The following PRELID2 variants were observed in gnomAD, a reference collection of about 807,000 sequenced individuals.
PRELID2 encodes PRELI domain-containing protein 2.
In PRELID2, 25 loss-of-function variants were observed where a neutral mutation model predicts 28.4. The observed-to-expected ratio is 0.88, with a 90% CI of 0.64 to 1.23. The LOEUF is 1.23. Among genes scored for constraint, PRELID2 ranks in the 50% most tolerant of loss-of-function variants. The pLI, the probability that PRELID2 is intolerant of heterozygous loss-of-function variation, is 0.00. For missense variants in PRELID2, 201 were observed against 214.4 expected, an observed-to-expected ratio of 0.94 and a Z score of 0.39; for synonymous variants, 76 against 71.6, an observed-to-expected ratio of 1.06 and a Z score of -0.31.
At position 145,607,961 on chromosome 5, in the gene PRELID2, G is replaced by T. The variant is rs147294185; in HGVS notation, n.71-134646C>A. On this transcript the variant is annotated intron_variant and non_coding_transcript_variant, in intron 1 of 2. Transcript: ENST00000510259. ...GTGCATATGTATTCAGAATAGTTAG[G>T]TCTTCTTGTTGAACTGAACACTTTA... Among the ~76,000 whole-genome samples the T allele has an allele frequency of 7.7e-4, 117 of 151,684 alleles. 1 individual carries two copies. The East Asian group carries it at 0.022, about 29-fold the overall frequency.
chr5:145,392,294 T>C, the PRELID2 span, among the ~76,000 whole-genome samples: 1 of 151,660 alleles, frequency 6.6e-6, no homozygotes, highest in Non-Finnish European at 1.5e-5. Context: ...AAACATGTCT[T>C]CTTCACAAGG....
At chr5:145,264,151 A>G in the PRELID2 span, among the ~76,000 whole-genome samples, 1 of 152,138 alleles carries the variant, frequency 6.6e-6, no homozygotes, top group Non-Finnish European at 1.5e-5. Flanking sequence ...TCATTTTATA[A>G]GCCAGTATCA....
At chr5:145,732,261 A>G (rs1756367733) in intron 1 of PRELID2, among the ~76,000 whole-genome samples, 1 of 152,200 alleles carries the variant, frequency 6.6e-6, no homozygotes, top group Admixed American at 6.5e-5. Flanking sequence ...CCTGTCTCCC[A>G]TCTACTTTAT....
At chr5:145,538,940 G>C (rs1030905239) in intron 1 of PRELID2, among the ~76,000 whole-genome samples, 23 of 151,902 alleles carry the variant, frequency 1.5e-4, no homozygotes, top group Non-Finnish European at 3.2e-4. Flanking sequence ...AAGCCTCACT[G>C]CATAACTCAG....
At chr5:145,387,515 A>T in the PRELID2 span, among the ~76,000 whole-genome samples, 1 of 152,170 alleles carries the variant, frequency 6.6e-6, no homozygotes, top group African/African-American at 2.4e-5. Flanking sequence ...TTTCCTTATA[A>T]AGAATTTATA....
chr5:145,646,238 T>C (rs112389485), intron 1 of PRELID2, among the ~76,000 whole-genome samples: 1 of 152,326 alleles, frequency 6.6e-6, no homozygotes, highest in African/African-American at 2.4e-5. Context: ...TTCCTTTTCA[T>C]TGTTTTTTCT....
chr5:145,362,170 G>T, the PRELID2 span, among the ~76,000 whole-genome samples: 2 of 152,096 alleles, frequency 1.3e-5, no homozygotes, highest in Admixed American at 1.3e-4. Flanking sequence ...AATGAAGAAA[G>T]GAAGGAAAGC....
At chr5:145,625,463 G>A (rs1241880805) in intron 1 of PRELID2, among the ~76,000 whole-genome samples, 6 of 152,126 alleles carry the variant, frequency 3.9e-5, no homozygotes, top group African/African-American at 9.7e-5. Flanking sequence ...ACAGGTCACA[G>A]TAGACCACAG....
At chr5:145,793,964 A>G (rs1171805585) in intron 5 of PRELID2, among the ~76,000 whole-genome samples, 1 of 152,162 alleles carries the variant, frequency 6.6e-6, no homozygotes, top group Non-Finnish European at 1.5e-5. Flanking sequence ...GCAGAGAATG[A>G]GCCATAACTG....
the PRELID2 span, among the ~76,000 whole-genome samples, chr5:145,318,121 C>T: frequency 4.6e-5 from 7 of 152,168 alleles, no homozygotes; most frequent in South Asian, 8.3e-4. Context: ...TTTAGAGTTC[C>T]AGTCAAGTCT....
intron 1 of PRELID2, among the ~76,000 whole-genome samples, chr5:145,829,084 G>A (rs1755415500): frequency 6.6e-6 from 1 of 151,778 alleles, no homozygotes. Flanking sequence ...GGTGGTGGTA[G>A]AGATGGGGTT....
chr5:145,688,988 T>C (rs1374765009), intron 1 of PRELID2, among the ~76,000 whole-genome samples: 1 of 152,214 alleles, frequency 6.6e-6, no homozygotes, highest in Non-Finnish European at 1.5e-5. Flanking sequence ...AGCAAGGTAT[T>C]GGACAATTGG....
chr5:145,511,015 T>C, intron 1 of PRELID2, among the ~76,000 whole-genome samples: 1 of 152,174 alleles, frequency 6.6e-6, no homozygotes, highest in South Asian at 2.1e-4. Context: ...AGGTATGTGG[T>C]GTAAGATGCA....
At chr5:145,447,441 T>C in the PRELID2 span, among the ~76,000 whole-genome samples, 1 of 149,636 alleles carries the variant, frequency 6.7e-6, no homozygotes, top group African/African-American at 2.4e-5. Flanking sequence ...AATCTTTTCT[T>C]TTTTTTTTGG....
the PRELID2 span, among the ~76,000 whole-genome samples, chr5:145,269,768 A>G: frequency 6.7e-6 from 1 of 149,914 alleles, no homozygotes; most frequent in South Asian, 2.1e-4. Flanking sequence ...CAAAACCTCC[A>G]TGCTAAGAAC....
chr5:145,350,674 G>A, the PRELID2 span, among the ~76,000 whole-genome samples: 1 of 152,038 alleles, frequency 6.6e-6, no homozygotes, highest in South Asian at 2.1e-4. Flanking sequence ...ACAATTTATG[G>A]CAAACTGCCA....
At chr5:145,522,816 G>A (rs543726242) in intron 1 of PRELID2, among the ~76,000 whole-genome samples, 47 of 151,788 alleles carry the variant, frequency 3.1e-4, no homozygotes, top group Non-Finnish European at 5.2e-4. Flanking sequence ...AGAGGGGGAG[G>A]AGGAGTAGGA....
At chr5:145,745,586 G>C (rs796551817) in intron 1 of PRELID2, among the ~76,000 whole-genome samples, 7 of 152,304 alleles carry the variant, frequency 4.6e-5, no homozygotes, top group African/African-American at 1.4e-4. Context: ...ATTGGGCCAG[G>C]TACGGTGGCT....
chr5:145,618,202 GTTTGGATCC>G (rs1753727612), intron 1 of PRELID2, among the ~76,000 whole-genome samples: 1 of 152,060 alleles, frequency 6.6e-6, no homozygotes, highest in Admixed American at 6.5e-5. Context: ...ATTTCTTCTT[GTTTGGATCC>G]ACTGCTGGTG....
Sources: allele counts gnomAD v4.1 joint callset (sites outside exome capture counted in the v4.1 genomes callset), GRCh38; gene constraint gnomAD v4.1.1; transcripts MANE v1.5; gene names NCBI Gene and HGNC (gene_info 2026-07-23, HGNC 2026-07-21).